Variants in WDR17 observed in about 807,000 individuals in gnomAD.
The protein encoded by WDR17 is WD repeat-containing protein 17.
In WDR17, 143 loss-of-function variants were observed where a neutral mutation model predicts 161.7. The observed-to-expected ratio is 0.88, with a 90% CI of 0.77 to 1.02. The LOEUF (loss-of-function observed/expected upper bound fraction) is 1.02, where lower values mean the gene tolerates loss of function less well. Ranked by LOEUF, WDR17 falls within the 50% of genes least tolerant of loss-of-function variation. The pLI, the probability that WDR17 is intolerant of heterozygous loss-of-function variation, is 0.00. For synonymous variants in WDR17, 517 were observed against 515.6 expected (o/e 1.00, Z -0.04); for missense variants, 1,469 against 1,520.9 (o/e 0.97, Z 0.57).
chr4:176,110,601 T>C lies in WDR17; in HGVS notation c.-6-974T>C, dbSNP rs139526555. Among the ~76,000 whole-genome samples the C allele has an allele frequency of 4.6e-3, 708 of 152,326 alleles. 8 individuals carry two copies. Among genetic ancestry groups the C allele is most frequent in the African/African-American group, 0.017 (688 of 41,574 alleles). On this transcript the variant is annotated intron_variant, in intron 1 of 28. Transcript: ENST00000508596. ...GTGTTTTTTAAGTATGATTTTGTTA[T>C]GATGAGTTTTCATTATGATCATAGA...
chr4:176,116,130 C>T (rs2126708714), intron 3 of WDR17, 151 bp downstream of exon 3: 1 of 727,592 alleles, frequency 1.4e-6, no homozygotes, highest in Non-Finnish European at 2.1e-6. Context: ...ATGACTCATG[C>T]CCATAGGTAC....
chr4:176,107,341 A>AAATGG (rs1470318531), intron 1 of WDR17, among the ~76,000 whole-genome samples: 1 of 151,290 alleles, frequency 6.6e-6, no homozygotes, highest in Non-Finnish European at 1.5e-5. Context: ...TTGTAATGTA[A>AAATGG]AATGGAATTG....
intron 4 of WDR17, among the ~76,000 whole-genome samples, chr4:176,120,528 C>T (rs188752869): frequency 2.2e-4 from 33 of 151,908 alleles, no homozygotes; most frequent in Non-Finnish European, 4.1e-4. Context: ...TCTGATGCCA[C>T]GGCTCCTTGG....
chr4:176,068,692 A>G (rs555681938), intron 1 of WDR17, among the ~76,000 whole-genome samples: 1 of 152,324 alleles, frequency 6.6e-6, no homozygotes, highest in East Asian at 1.9e-4. Context: ...TCAGAAACAT[A>G]TGAAACTTAA....
At chr4:176,072,720 A>G (rs574600631) in intron 1 of WDR17, among the ~76,000 whole-genome samples, 3 of 152,286 alleles carry the variant, frequency 2.0e-5, no homozygotes, top group East Asian at 3.9e-4. Flanking sequence ...AGCTCCGAGC[A>G]CATAGTATAT....
In WDR17 at chr4:176,162,060, T is replaced by G; in HGVS notation, c.2751-15T>G. ...TACTTGTGTTTATATAGAATACACATTTTTTTCTTTCTAGACTCCTGCACA... is the reference window on the plus strand; with the variant it reads ...TACTTGTGTTTATATAGAATACACAGTTTTTTCTTTCTAGACTCCTGCACA... On this transcript the variant is annotated splice_polypyrimidine_tract_variant and intron_variant, in intron 20 of 28. Transcript: ENST00000508596. 6.3e-7 allele frequency: 1 copy of G among 1,598,452 alleles called. No individual in the cohort carries two copies. Among genetic ancestry groups the G allele is most frequent in the Non-Finnish European group, 8.5e-7 (1 of 1,173,166 alleles).
At chr4:176,097,585 T>G (rs750412997) in intron 1 of WDR17, among the ~76,000 whole-genome samples, 4 of 151,950 alleles carry the variant, frequency 2.6e-5, no homozygotes, top group Non-Finnish European at 5.9e-5. Context: ...ATACTCATAT[T>G]GTAAATCCTA....
At chr4:176,102,467 A>G (rs1374356895) in intron 1 of WDR17, among the ~76,000 whole-genome samples, 2 of 152,228 alleles carry the variant, frequency 1.3e-5, no homozygotes, top group Admixed American at 6.6e-5. Context: ...TATTCTTACT[A>G]TATTATCCAG....
chr4:176,169,963 A>G (rs1053185265), intron 23 of WDR17, among the ~76,000 whole-genome samples: 2 of 152,222 alleles, frequency 1.3e-5, no homozygotes, highest in Non-Finnish European at 2.9e-5. Flanking sequence ...ATTAAAATGC[A>G]TATGAAAGAA....
chr4:176,120,542 A>G (rs1741417695), intron 4 of WDR17, among the ~76,000 whole-genome samples: 1 of 151,920 alleles, frequency 6.6e-6, no homozygotes, highest in African/African-American at 2.4e-5. Flanking sequence ...TCCTTGGCAA[A>G]GGCTTTGAAA....
At chr4:176,151,783 T>C in intron 16 of WDR17, 29 bp from the exon 17 acceptor site, 1 of 1,539,164 alleles carries the variant, frequency 6.5e-7, no homozygotes, top group Non-Finnish European at 8.7e-7. Context: ...GTCAAATTTT[T>C]TTAAATTCTA....
At chr4:176,154,591 A>C (rs948581892) in intron 17 of WDR17, among the ~76,000 whole-genome samples, 1 of 152,166 alleles carries the variant, frequency 6.6e-6, no homozygotes, top group African/African-American at 2.4e-5. Flanking sequence ...GTTTCTATTG[A>C]AAGAGCTTGG....
chr4:176,138,906 A>G (rs1744827647), intron 9 of WDR17, among the ~76,000 whole-genome samples: 1 of 151,906 alleles, frequency 6.6e-6, no homozygotes, highest in African/African-American at 2.4e-5. Context: ...TAACTAAGCT[A>G]CGTGTGTTCC....
intron 24 of WDR17, among the ~76,000 whole-genome samples, chr4:176,172,919 A>C (rs574460596): frequency 6.6e-6 from 1 of 152,200 alleles, no homozygotes; most frequent in Non-Finnish European, 1.5e-5. Flanking sequence ...TTCATGAGGA[A>C]TCCACCTCCA....
chr4:176,090,696 GAC>G (rs1736012191), intron 1 of WDR17, among the ~76,000 whole-genome samples: 1 of 152,130 alleles, frequency 6.6e-6, no homozygotes, highest in Non-Finnish European at 1.5e-5. Context: ...AGGAATTAAA[GAC>G]ACACACAGAA....
rs1302551158 is a variant in WDR17 at position 176,093,651 on chromosome 4, T to G, written c.-6-17924T>G. On this transcript the variant is annotated intron_variant, in intron 1 of 28. Transcript: ENST00000508596. Reference sequence around the variant, plus strand: ...ATAGATACAGGGATGCGAAGATGTGTAATAAATTTCCTCAAAAGTTTCTTC... The same window carrying G: ...ATAGATACAGGGATGCGAAGATGTGGAATAAATTTCCTCAAAAGTTTCTTC... 2.0e-5 allele frequency among the ~76,000 whole-genome samples: 3 copies of G among 152,282 alleles called. No homozygotes were observed. The South Asian group carries it at 6.2e-4, about 32-fold the overall frequency.
At chr4:176,115,715 A>C (rs1740504746) in intron 2 of WDR17, 81 bp from the exon 3 acceptor site, 2 of 1,098,006 alleles carry the variant, frequency 1.8e-6, no homozygotes, top group Admixed American at 3.4e-5. Context: ...ATGTAGCTTT[A>C]GTTTTGTGTA....
At chr4:176,166,662 A>G (rs896669666) in intron 22 of WDR17, among the ~76,000 whole-genome samples, 1 of 152,182 alleles carries the variant, frequency 6.6e-6, no homozygotes, top group Non-Finnish European at 1.5e-5. Flanking sequence ...GAATTTTAGC[A>G]CAGCTATTTT....
chr4:176,168,414 T>G (rs946482965), intron 22 of WDR17, among the ~76,000 whole-genome samples: 1 of 152,188 alleles, frequency 6.6e-6, no homozygotes, highest in Non-Finnish European at 1.5e-5. Flanking sequence ...AAATTAATTA[T>G]AAGTATGTTA....
Sources: allele counts gnomAD v4.1 joint callset (sites outside exome capture counted in the v4.1 genomes callset), GRCh38; gene constraint gnomAD v4.1.1; transcripts MANE v1.5; gene names NCBI Gene and HGNC (gene_info 2026-07-23, HGNC 2026-07-21).